RECK: variants seen among roughly 807,000 people sequenced by gnomAD.
RECK encodes reversion inducing cysteine rich protein with kazal motifs, also known as reversion-inducing cysteine-rich protein with Kazal motifs.
A neutral mutation model predicts 115.1 loss-of-function variants in RECK; 69 were observed. That is an observed-to-expected ratio of 0.60 (90% CI 0.49 to 0.73). RECK has a LOEUF of 0.73. Ranked by LOEUF, RECK falls within the 30% of genes least tolerant of loss-of-function variation. The pLI, the probability that RECK is intolerant of heterozygous loss-of-function variation, is 0.00. For missense variants in RECK, 1,047 were observed against 1,203.7 expected, an observed-to-expected ratio of 0.87 and a Z score of 1.93; for synonymous variants, 414 against 419.7, an observed-to-expected ratio of 0.99 and a Z score of 0.17.
At chr9:36,060,944 T>C (rs1380318408) in intron 4 of RECK, among the ~76,000 whole-genome samples, 6 of 152,230 alleles carry the variant, frequency 3.9e-5, no homozygotes, top group African/African-American at 1.2e-4. Context: ...CCCCAAGTTA[T>C]ATTTTACTCC....
chr9:36,086,660 C>T (rs1414067233), intron 8 of RECK, among the ~76,000 whole-genome samples: 1 of 152,106 alleles, frequency 6.6e-6, no homozygotes, highest in Non-Finnish European at 1.5e-5. Flanking sequence ...TTACAGAGTG[C>T]TGATTGGTCT....
intron 9 of RECK, among the ~76,000 whole-genome samples, chr9:36,089,265 G>A (rs1332241178): frequency 6.6e-6 from 1 of 152,164 alleles, no homozygotes; most frequent in Non-Finnish European, 1.5e-5. Flanking sequence ...AGAGTCACTA[G>A]AGGTTGGAAT....
chr9:36,095,123 G>A (rs927766423), intron 10 of RECK, among the ~76,000 whole-genome samples: 2 of 152,124 alleles, frequency 1.3e-5, no homozygotes, highest in Admixed American at 6.5e-5. Context: ...TTGAACCTGG[G>A]AGGCAGAGGT....
chr9:36,123,109 G>A lies in RECK; in HGVS notation c.*64G>A, dbSNP rs573680429. ...CTCCTGCCTTGAAAAAGACATTCAG[G>A]ACTGCTGGTTTGTAGTTGAATATTG... On this transcript the variant is annotated 3_prime_UTR_variant, in exon 21 of 21. Transcript: ENST00000377966. 1.3e-5 allele frequency: 17 copies of A among 1,321,542 alleles called. No individual in the cohort carries two copies. The South Asian group carries it at 2.3e-4, about 18-fold the overall frequency. The allele number at this position is 1,321,542 out of a possible 1,614,324, so 81.9% of individuals were successfully genotyped here.
intron 13 of RECK, among the ~76,000 whole-genome samples, chr9:36,106,701 C>T (rs1172825226): frequency 6.6e-6 from 1 of 152,058 alleles, no homozygotes; most frequent in African/African-American, 2.4e-5. Flanking sequence ...ATAGTATTTT[C>T]TGTCCATTTA....
At chr9:36,105,017 G>T in intron 12 of RECK, 126 bp from the exon 13 acceptor site, 2 of 636,520 alleles carry the variant, frequency 3.1e-6, no homozygotes, top group East Asian at 3.0e-5. Context: ...TAATAGCTTG[G>T]TAGAATCAGG....
intron 2 of RECK, among the ~76,000 whole-genome samples, chr9:36,054,491 C>A: frequency 7.6e-6 from 1 of 131,684 alleles, no homozygotes. Context: ...GAGAAAAGGC[C>A]CTTAGTTTAA....
intron 16 of RECK, among the ~76,000 whole-genome samples, chr9:36,113,250 A>G (rs1445056799): frequency 6.6e-6 from 1 of 152,178 alleles, no homozygotes; most frequent in Non-Finnish European, 1.5e-5. Flanking sequence ...GACCTGAACA[A>G]TACACATTCC....
At chr9:36,099,302 G>C (rs534865046) in intron 10 of RECK, among the ~76,000 whole-genome samples, 51 of 152,142 alleles carry the variant, frequency 3.4e-4, no homozygotes, top group African/African-American at 1.1e-3. Context: ...TAAAACATGT[G>C]ATACAACAAC....
intron 6 of RECK, among the ~76,000 whole-genome samples, chr9:36,073,752 A>C (rs1488894968): frequency 6.6e-6 from 1 of 152,184 alleles, no homozygotes; most frequent in Non-Finnish European, 1.5e-5. Flanking sequence ...TTTAAGCAGC[A>C]TGCTACTTAT....
intron 9 of RECK, among the ~76,000 whole-genome samples, chr9:36,088,451 A>G (rs1221268311): frequency 6.6e-6 from 1 of 152,194 alleles, no homozygotes; most frequent in Non-Finnish European, 1.5e-5. Context: ...CAATACAAAT[A>G]TAGGATGTAG....
chr9:36,072,642 A>T (rs776849560), intron 6 of RECK: 6 of 152,210 alleles, frequency 3.9e-5, no homozygotes, highest in Non-Finnish European at 8.8e-5. Context: ...GAGAGGCTTT[A>T]TAAATGGTAA....
chr9:36,048,126 AATATATATATATATATAT>A (rs56726335), intron 1 of RECK, among the ~76,000 whole-genome samples: 3,868 of 115,362 alleles, frequency 0.034, 452 homozygotes, highest in African/African-American at 0.16. Flanking sequence ...ACACAGGTTG[AATATATATATATATATAT>A]ATATATATAT....
At position 36,081,123 on chromosome 9, in the gene RECK, G is replaced by A. The variant is rs975576658; in HGVS notation, c.439+485G>A. On this transcript the variant is annotated intron_variant, in intron 7 of 20. Coordinates refer to ENST00000377966, the MANE Select transcript of RECK (RefSeq NM_021111.3). ...CTTCATGGAGTTGGTAGCTGATCCC[G>A]GGCATGAAGGATGGGTAAGATGTGA... Among the ~76,000 whole-genome samples the A allele has an allele frequency of 6.6e-5, 10 of 152,224 alleles. No individual in the cohort carries two copies. In the East Asian group the frequency reaches 1.3e-3, roughly 21 times the overall value.
At chr9:36,077,574 G>C (rs932259584) in intron 6 of RECK, among the ~76,000 whole-genome samples, 2 of 151,842 alleles carry the variant, frequency 1.3e-5, no homozygotes, top group African/African-American at 4.9e-5. Context: ...CCTTAAAATG[G>C]GTAAAGAGGC....
At position 36,048,053 on chromosome 9, in the gene RECK, G is replaced by A. The variant is rs949279212; in HGVS notation, c.101-4212G>A. 4.7e-5 allele frequency among the ~76,000 whole-genome samples: 7 copies of A among 147,792 alleles called. No individual in the cohort carries two copies. The South Asian group carries it at 1.5e-3, about 32-fold the overall frequency. On this transcript the variant is annotated intron_variant, in intron 1 of 20. Transcript: ENST00000377966. ...AAAAAGTTCTACTTTTATCTAATAT[G>A]TATACTGAAGTTGTACAGATTTCAT...
chr9:36,036,948 G>T lies in RECK; in HGVS notation c.-51G>T. Reference sequence around the variant, plus strand: ...CGGCGGTAGCGGCGGCAGCGGCTGCGGCCAAGCTGGGTCCGAGCATCCCGC... The same window carrying T: ...CGGCGGTAGCGGCGGCAGCGGCTGCTGCCAAGCTGGGTCCGAGCATCCCGC... On this transcript the variant is annotated 5_prime_UTR_variant, in exon 1 of 21. Transcript: ENST00000377966. 1 of 1,222,266 alleles carries T rather than the reference G, an allele frequency of 8.2e-7. No homozygotes were observed. Among genetic ancestry groups the T allele is most frequent in the Non-Finnish European group, 1.0e-6 (1 of 956,168 alleles). 75.7% of individuals were successfully genotyped at this position (1,222,266 alleles called of 1,614,324 possible).
At chr9:36,069,649 AAC>A (rs1822150267) in intron 6 of RECK, among the ~76,000 whole-genome samples, 1 of 152,162 alleles carries the variant, frequency 6.6e-6, no homozygotes, top group African/African-American at 2.4e-5. Context: ...ATGGAAAAGA[AAC>A]ACAGAGGGGC....
chr9:36,087,659 CA>C (rs1164196408), intron 8 of RECK, 34 bp from the exon 9 acceptor site: 2 of 1,587,104 alleles, frequency 1.3e-6, no homozygotes, highest in Non-Finnish European at 1.7e-6. Context: ...ACAAAAAAAA[CA>C]GCTAATTAAG....
Sources: allele counts gnomAD v4.1 joint callset (sites outside exome capture counted in the v4.1 genomes callset), GRCh38; gene constraint gnomAD v4.1.1; transcripts MANE v1.5; gene names NCBI Gene and HGNC (gene_info 2026-07-23, HGNC 2026-07-21).